The following CSGALNACT2 variants were observed in gnomAD, a reference collection of about 807,000 sequenced individuals.
CSGALNACT2 encodes beta 4 GalNAcT-2.
A neutral mutation model predicts 55.3 loss-of-function variants in CSGALNACT2; 35 were observed. The ratio of observed to expected loss-of-function variants is 0.63; its 90% CI spans 0.48 to 0.84. CSGALNACT2 has a LOEUF of 0.84. Ranked by LOEUF, CSGALNACT2 falls within the 40% of genes least tolerant of loss-of-function variation. The pLI, the probability that CSGALNACT2 is intolerant of heterozygous loss-of-function variation, is 0.00. For synonymous variants in CSGALNACT2, 196 were observed against 224.9 expected (o/e 0.87, Z 1.15); for missense variants, 544 against 657.5 (o/e 0.83, Z 1.89).
chr10:43,153,529 T>C (rs1225846938), intron 1 of CSGALNACT2, among the ~76,000 whole-genome samples: 1 of 152,114 alleles, frequency 6.6e-6, no homozygotes, highest in Non-Finnish European at 1.5e-5. Flanking sequence ...TTGCAGCATT[T>C]GCCACAGAAA....
intron 6 of CSGALNACT2, among the ~76,000 whole-genome samples, chr10:43,170,696 G>A (rs1307742654): frequency 6.6e-6 from 1 of 152,130 alleles, no homozygotes; most frequent in East Asian, 1.9e-4. Context: ...GTGGAACTAG[G>A]GGACTCACTT....
chr10:43,182,768 T>C (rs1479455082), intron 7 of CSGALNACT2, among the ~76,000 whole-genome samples: 1 of 150,282 alleles, frequency 6.7e-6, no homozygotes, highest in East Asian at 1.9e-4. Context: ...TCCCAGCTAC[T>C]CGGGGCTGAG....
intron 1 of CSGALNACT2, among the ~76,000 whole-genome samples, chr10:43,141,011 AAGGTATTATGCCTACTGAACACATAC>A (rs1838608623): frequency 3.3e-5 from 5 of 152,216 alleles, no homozygotes; most frequent in Admixed American, 3.3e-4. Flanking sequence ...CAAATTTGTT[AAGGTATTATGCCTACTGAACACATAC>A]AGGCTGCCAT....
At chr10:43,162,581 G>A (rs1434368593) in intron 4 of CSGALNACT2, 2 of 985,324 alleles carry the variant, frequency 2.0e-6, no homozygotes, top group African/African-American at 3.5e-5. Context: ...AGCACTTGGA[G>A]TCCACTCCAT....
At position 43,158,717 on chromosome 10, in the gene CSGALNACT2, T is replaced by G. The variant is rs917805965; in HGVS notation, c.664T>G (p.Tyr222Asp). The G allele has an allele frequency of 1.3e-6, 2 of 1,574,512 alleles. No homozygotes were observed. Among genetic ancestry groups the G allele is most frequent in the Non-Finnish European group, 1.7e-6 (2 of 1,145,310 alleles). The part of the protein sequence containing the change: ...IFNENDFVEG[Y>D]YRTERDKGTQ... ...TTGTTCCTAACTCTTTCCTTTAGGT[T>G]ATTATCGCACTGAGAGAGATAAGGG... The change falls in exon 3 of 8, where the codon TAT becomes GAT. Residue 222 changes from tyrosine to aspartate, a missense_variant and splice_region_variant. Coordinates refer to ENST00000374466, the MANE Select transcript of CSGALNACT2 (RefSeq NM_018590.5).
Position 43,184,881 on chromosome 10 carries a change from G to T in CSGALNACT2, c.*1339G>T, listed in dbSNP as rs1839666067. On this transcript the variant is annotated 3_prime_UTR_variant, in exon 8 of 8. Transcript: ENST00000374466. ...AGAAAAATCATTACTCTTTTTCTCA[G>T]TAAATCATATCATCTGAAATATTAC... The T allele has an allele frequency of 1.3e-5, 2 of 152,090 alleles. No individual in the cohort carries two copies. The highest frequency in any genetic ancestry group is 2.9e-5 in the Non-Finnish European group (2 of 67,998). The allele number at this position is 152,090 out of a possible 1,614,324, so 9.4% of individuals were successfully genotyped here.
At chr10:43,142,685 T>C (rs1389159040) in intron 1 of CSGALNACT2, among the ~76,000 whole-genome samples, 1 of 152,258 alleles carries the variant, frequency 6.6e-6, no homozygotes, top group Non-Finnish European at 1.5e-5. Context: ...CTGTCTGACC[T>C]AAAATATTTG....
At chr10:43,167,751 G>A (rs1651478185) in intron 6 of CSGALNACT2, among the ~76,000 whole-genome samples, 1 of 152,114 alleles carries the variant, frequency 6.6e-6, no homozygotes, top group Non-Finnish European at 1.5e-5. Flanking sequence ...GATTACACCA[G>A]TTTTTCTACT....
At chr10:43,170,250 C>G (rs992763431) in intron 6 of CSGALNACT2, among the ~76,000 whole-genome samples, 5 of 152,204 alleles carry the variant, frequency 3.3e-5, no homozygotes, top group Middle Eastern at 3.2e-3. Flanking sequence ...GACACCCTAA[C>G]AGTAACAAGT....
At chr10:43,178,647 A>G (rs562996556) in intron 7 of CSGALNACT2, among the ~76,000 whole-genome samples, 2 of 151,914 alleles carry the variant, frequency 1.3e-5, no homozygotes, top group South Asian at 2.1e-4. Context: ...CCCTAATACA[A>G]TGTAAATACT....
At chr10:43,148,243 A>C (rs1306773923) in intron 1 of CSGALNACT2, among the ~76,000 whole-genome samples, 1 of 152,184 alleles carries the variant, frequency 6.6e-6, no homozygotes, top group African/African-American at 2.4e-5. Context: ...GTTCCATTCC[A>C]TTGACTATAT....
At chr10:43,141,645 A>G (rs1158050646) in intron 1 of CSGALNACT2, among the ~76,000 whole-genome samples, 4 of 151,434 alleles carry the variant, frequency 2.6e-5, no homozygotes, top group South Asian at 2.1e-4. Context: ...AAAAAAAAAA[A>G]AAAAAAGAAA....
At chr10:43,174,047 C>G (rs1250125751) in intron 6 of CSGALNACT2, among the ~76,000 whole-genome samples, 1 of 151,926 alleles carries the variant, frequency 6.6e-6, no homozygotes, top group African/African-American at 2.4e-5. Context: ...AATTATGTCT[C>G]TCTATATATT....
At chr10:43,178,569 C>T (rs1266872041) in intron 7 of CSGALNACT2, among the ~76,000 whole-genome samples, 6 of 146,278 alleles carry the variant, frequency 4.1e-5, no homozygotes, top group Non-Finnish European at 8.9e-5. Flanking sequence ...TGCAGTGAGC[C>T]GAGATTGCAC....
chr10:43,163,466 A>G (rs1263515131), intron 4 of CSGALNACT2: 2 of 961,336 alleles, frequency 2.1e-6, no homozygotes, highest in African/African-American at 3.5e-5. Flanking sequence ...TCCCTCTGAT[A>G]AGGCGACATG....
At chr10:43,151,114 A>C (rs981414826) in intron 1 of CSGALNACT2, among the ~76,000 whole-genome samples, 3 of 152,188 alleles carry the variant, frequency 2.0e-5, no homozygotes, top group African/African-American at 7.2e-5. Context: ...AAATACAGTT[A>C]TGATAGCTGT....
intron 1 of CSGALNACT2, among the ~76,000 whole-genome samples, chr10:43,138,957 G>A (rs538978862): frequency 9.2e-5 from 14 of 152,302 alleles, no homozygotes; most frequent in South Asian, 4.1e-4. Flanking sequence ...ATGCTCTGTC[G>A]TGGAGGGCTC....
chr10:43,155,313 A>T lies in CSGALNACT2; in HGVS notation c.164A>T (p.Glu55Val), dbSNP rs1838970947. The change falls in exon 2 of 8, where the codon GAG becomes GTG. Residue 55 changes from glutamate to valine, a missense_variant. Glu to Val is a moderately radical substitution (Grantham distance 121). This residue lies in a region of CSGALNACT2 where 374 missense variants were observed against 401.3 expected (regional missense o/e 0.93). Coordinates refer to ENST00000374466, the MANE Select transcript of CSGALNACT2 (RefSeq NM_018590.5). ...PGVVGENYGKEYYQALLQEQE... is the reference protein window; with the variant it reads ...PGVVGENYGKVYYQALLQEQE... ...GTTGTTGGGGAAAATTATGGTAAAG[A>T]GTATTATCAAGCCCTCCTACAGGAA... 1 of 1,614,178 alleles carries T rather than the reference A, an allele frequency of 6.2e-7. No homozygotes were observed. Among genetic ancestry groups the T allele is most frequent in the Non-Finnish European group, 8.5e-7 (1 of 1,180,028 alleles).
At chr10:43,161,098 T>C (rs1314260868) in intron 4 of CSGALNACT2, among the ~76,000 whole-genome samples, 1 of 152,214 alleles carries the variant, frequency 6.6e-6, no homozygotes, top group Non-Finnish European at 1.5e-5. Flanking sequence ...GCAAGTCATA[T>C]AGTACCTGGC....
Sources: allele counts gnomAD v4.1 joint callset (sites outside exome capture counted in the v4.1 genomes callset), GRCh38; gene constraint gnomAD v4.1.1; regional missense constraint gnomAD v4.1.1; transcripts MANE v1.5; gene names NCBI Gene and HGNC (gene_info 2026-07-23, HGNC 2026-07-21).